The following EPG5 variants were observed in gnomAD, a reference collection of about 807,000 sequenced individuals.
EPG5 encodes the protein ectopic P-granules 5 autophagy tethering factor.
EPG5 carries 159 observed loss-of-function variants against 302.7 expected under a neutral mutation model. The ratio of observed to expected loss-of-function variants is 0.53; its 90% CI spans 0.46 to 0.60. The LOEUF (loss-of-function observed/expected upper bound fraction) is 0.60. Ranked by LOEUF, EPG5 falls within the 20% of genes least tolerant of loss-of-function variation. The probability of loss-of-function intolerance (pLI) is 0.00; values close to 1 mark genes in which losing one functional copy is unlikely to be tolerated. For synonymous variants in EPG5, 1,158 were observed against 1,136.8 expected (o/e 1.02, Z -0.37); for missense variants, 2,896 against 3,092.4 (o/e 0.94, Z 1.51).
At chr18:45,883,522 G>A (rs2145432812) in intron 30 of EPG5, among the ~76,000 whole-genome samples, 1 of 147,128 alleles carries the variant, frequency 6.8e-6, no homozygotes, top group East Asian at 2.0e-4. Context: ...GTGCAGTGGT[G>A]CAATCACAGC....
At chr18:45,953,503 C>G (rs1419006781) in intron 2 of EPG5, 24 of 985,204 alleles carry the variant, frequency 2.4e-5, no homozygotes, top group Non-Finnish European at 2.9e-5. Flanking sequence ...TGACATGTTT[C>G]TCCCCAATAT....
intron 39 of EPG5, among the ~76,000 whole-genome samples, chr18:45,864,936 T>TC (rs1428257072): frequency 6.6e-6 from 1 of 152,228 alleles, no homozygotes; most frequent in Non-Finnish European, 1.5e-5. Context: ...TTCTAGCTTA[T>TC]CTTTACAGTA....
chr18:45,840,304 G>C, the EPG5 span: 2 of 1,538,064 alleles, frequency 1.3e-6, no homozygotes, highest in Admixed American at 1.9e-5. Flanking sequence ...TCACCCAGGG[G>C]GTCCAGGCAG....
In EPG5 at chr18:45,910,585, G is replaced by A; in HGVS notation, c.4141C>T (p.Pro1381Ser). 1 of 1,613,950 alleles carries A rather than the reference G, an allele frequency of 6.2e-7. No individual in the cohort carries two copies. Among genetic ancestry groups the A allele is most frequent in the South Asian group, 1.1e-5 (1 of 91,046 alleles). ...RVPAEGSEGL[P>S]ESHSGTPGYL... ...CCAGGGGTGCCAGAGTGGCTCTCTGGCAGCCCTTCACTGCCCTCTGCTGGA... is the reference window on the plus strand; with the variant it reads ...CCAGGGGTGCCAGAGTGGCTCTCTGACAGCCCTTCACTGCCCTCTGCTGGA... Residue 1381 changes from proline (P) to serine (S), a missense_variant, in exon 23 of 44, where the codon CCA (proline) becomes TCA (serine). By Grantham distance (74) the Pro-to-Ser change is moderately conservative. Transcript: ENST00000282041.
intron 10 of EPG5, 38 bp from the exon 11 acceptor site, chr18:45,935,004 C>T: frequency 3.2e-6 from 5 of 1,557,512 alleles, no homozygotes; most frequent in Non-Finnish European, 4.3e-6. Context: ...TATTAATCAG[C>T]TTCATTACAC....
At chr18:45,817,072 G>T in the EPG5 span, among the ~76,000 whole-genome samples, 3 of 152,270 alleles carry the variant, frequency 2.0e-5, no homozygotes, top group Admixed American at 1.3e-4. Flanking sequence ...CTAAGAGGAT[G>T]CAAAGGCTTA....
At chr18:45,898,419 G>A (rs898541657) in intron 27 of EPG5, among the ~76,000 whole-genome samples, 1 of 152,154 alleles carries the variant, frequency 6.6e-6, no homozygotes, top group Non-Finnish European at 1.5e-5. Flanking sequence ...GTTTAGACAG[G>A]GCCTGGCATA....
chr18:45,947,473 A>C (rs925893874), intron 6 of EPG5, among the ~76,000 whole-genome samples: 4 of 152,170 alleles, frequency 2.6e-5, no homozygotes, highest in African/African-American at 9.7e-5. Flanking sequence ...ATATAAATGC[A>C]AAAACACTTG....
intron 39 of EPG5, among the ~76,000 whole-genome samples, chr18:45,860,665 C>G (rs2048616535): frequency 6.6e-6 from 1 of 152,184 alleles, no homozygotes; most frequent in Non-Finnish European, 1.5e-5. Flanking sequence ...CCTAGTCAGT[C>G]TTTATTTTCC....
At chr18:45,927,920 AC>A (rs2050312046) in intron 13 of EPG5, among the ~76,000 whole-genome samples, 1 of 152,114 alleles carries the variant, frequency 6.6e-6, no homozygotes. Flanking sequence ...TGGGCCAGGC[AC>A]GGTGGCTCAT....
At chr18:45,838,092 A>G in the EPG5 span, among the ~76,000 whole-genome samples, 1 of 152,326 alleles carries the variant, frequency 6.6e-6, no homozygotes, top group Admixed American at 6.5e-5. Context: ...TGCAGAATCC[A>G]GGTCCCAGGA....
chr18:45,904,576 A>G (rs1419333930), intron 24 of EPG5, among the ~76,000 whole-genome samples: 1 of 152,198 alleles, frequency 6.6e-6, no homozygotes, highest in Non-Finnish European at 1.5e-5. Context: ...AGCAAAATCC[A>G]TACTGTGGGG....
In EPG5 at chr18:45,899,449, G is replaced by A; in HGVS notation, c.4764C>T (p.Gly1588=). Residue 1588 remains glycine, a synonymous_variant, in exon 27 of 44, where the codon GGC becomes GGT. Transcript: ENST00000282041. ...CTCCTTGGCATTTCTTACCGCTGCT[G>A]CCTCTGCACTCCAAATGTAGTGTGG... ...EQTTLHLECR[G]SSGKKCQGAA... 6.2e-7 allele frequency: 1 copy of A among 1,614,146 alleles called. No individual in the cohort carries two copies. The highest frequency in any genetic ancestry group is 8.5e-7 in the Non-Finnish European group (1 of 1,180,018).
intron 24 of EPG5, 110 bp downstream of exon 24, chr18:45,907,848 T>C: frequency 9.6e-7 from 1 of 1,046,708 alleles, no homozygotes. Flanking sequence ...ACCATCTGAG[T>C]GACTACCCAT....
rs1254589381 is a variant in EPG5, at chr18:45,855,704, A to T, written c.7443-17T>A. The T allele has an allele frequency of 7.0e-6, 11 of 1,562,100 alleles. No individual in the cohort carries two copies. The highest frequency in any genetic ancestry group is 9.7e-6 in the Non-Finnish European group (11 of 1,132,706). On this transcript the variant is annotated splice_polypyrimidine_tract_variant and intron_variant, in intron 42 of 43. Coordinates refer to ENST00000282041, the MANE Select transcript of EPG5 (RefSeq NM_020964.3). ...ACTCGGAACCTTAGGCATTAGGGAGAGGTCAGAAGAAGTAAATGGCTATTA... is the reference window on the plus strand; with the variant it reads ...ACTCGGAACCTTAGGCATTAGGGAGTGGTCAGAAGAAGTAAATGGCTATTA...
chr18:45,886,285 T>C (rs2145458512), intron 29 of EPG5, among the ~76,000 whole-genome samples: 1 of 152,336 alleles, frequency 6.6e-6, no homozygotes, highest in Middle Eastern at 3.4e-3. Context: ...CAAAACAATC[T>C]ACCTAAATAT....
chr18:45,929,157 A>G, intron 12 of EPG5, 148 bp from the exon 13 acceptor site: 4 of 804,430 alleles, frequency 5.0e-6, no homozygotes, highest in Non-Finnish European at 7.7e-6. Context: ...AAAACTTCAT[A>G]CAGGCAACTG....
intron 38 of EPG5, 110 bp from the exon 39 acceptor site, chr18:45,865,869 G>T: frequency 7.9e-7 from 1 of 1,268,200 alleles, no homozygotes; most frequent in East Asian, 2.3e-5. Context: ...AGGGAGTAGA[G>T]GGGACAGAAC....
chr18:45,862,290 T>G (rs2048651494), intron 39 of EPG5, among the ~76,000 whole-genome samples: 1 of 152,202 alleles, frequency 6.6e-6, no homozygotes, highest in South Asian at 2.1e-4. Flanking sequence ...CTTTATTATT[T>G]CCTCCCCTCT....
Sources: gnomAD v4.1 joint callset for allele counts (sites outside exome capture counted in the v4.1 genomes callset) on GRCh38, gnomAD v4.1.1 for gene constraint, MANE v1.5 for transcripts, NCBI Gene and HGNC (gene_info 2026-07-23, HGNC 2026-07-21) for gene names.